Variants in OR4N2 observed in about 807,000 individuals in gnomAD.
The protein encoded by OR4N2 is olfactory receptor family 4 subfamily N member 2, also known as olfactory receptor 4N2.
For missense variants in OR4N2, 307 were observed against 377.6 expected (o/e 0.81, Z 1.55); for synonymous variants, 141 against 140.4 (o/e 1.00, Z -0.03).
intron 1 of OR4N2, among the ~76,000 whole-genome samples, chr14:19,807,195 G>T (rs1284254745): frequency 6.7e-6 from 1 of 149,712 alleles, no homozygotes; most frequent in African/African-American, 2.4e-5. Flanking sequence ...AAAAAAAAAA[G>T]CTCAAAGCTA....
intron 1 of OR4N2, among the ~76,000 whole-genome samples, chr14:19,804,830 T>G (rs1872534232): frequency 1.3e-5 from 2 of 152,244 alleles, no homozygotes; most frequent in Non-Finnish European, 2.9e-5. Flanking sequence ...GTTATTAAAG[T>G]CTCTTCAAAG....
chr14:19,818,990 A>G (rs889570283), intron 1 of OR4N2, among the ~76,000 whole-genome samples: 1 of 152,242 alleles, frequency 6.6e-6, no homozygotes, highest in Non-Finnish European at 1.5e-5. Flanking sequence ...TCTTTTCTTT[A>G]AGAATGTTGA....
intron 1 of OR4N2, among the ~76,000 whole-genome samples, chr14:19,825,779 C>T (rs1348990784): frequency 3.0e-4 from 46 of 152,212 alleles, no homozygotes; most frequent in Admixed American, 1.3e-3. Context: ...AAGATGTTCT[C>T]GATCTCCTGA....
intron 1 of OR4N2, among the ~76,000 whole-genome samples, chr14:19,808,855 G>A (rs1286575289): frequency 6.6e-6 from 1 of 151,740 alleles, no homozygotes; most frequent in Non-Finnish European, 1.5e-5. Flanking sequence ...GAAACTAGAG[G>A]CATCACACTA....
intron 1 of OR4N2, among the ~76,000 whole-genome samples, chr14:19,810,307 T>C (rs1330132492): frequency 7.2e-5 from 11 of 152,206 alleles, no homozygotes; most frequent in Non-Finnish European, 1.6e-4. Context: ...CTCACAGCAG[T>C]GAGAATGATT....
rs200476011 is a variant in OR4N2, at chr14:19,815,241, C to T, written c.-10+11397C>T. Among the ~76,000 whole-genome samples the T allele has an allele frequency of 8.5e-4, 130 of 152,356 alleles. 1 individual carries two copies. The East Asian group carries it at 0.018, about 21-fold the overall frequency. On this transcript the variant is annotated intron_variant, in intron 1 of 1. Transcript: ENST00000557677. ...TTCTGGTTCTACATCCTTGAGGAAT[C>T]GCTACACTGTCTTCCACAATGGTTG...
chr14:19,819,562 T>G (rs1566466215), intron 1 of OR4N2, among the ~76,000 whole-genome samples: 1 of 152,276 alleles, frequency 6.6e-6, no homozygotes, highest in South Asian at 2.1e-4. Flanking sequence ...TTTTCTAAAG[T>G]GGTTATTCTA....
rs906968556 is a variant in OR4N2, at chr14:19,828,660, G to A, written c.*288G>A. ...AAGTGAAATGATAAATTGTGACTCTGGATTGGGAGTAACCAATTTGTGTTT... is the reference window on the plus strand; with the variant it reads ...AAGTGAAATGATAAATTGTGACTCTAGATTGGGAGTAACCAATTTGTGTTT... On this transcript the variant is annotated 3_prime_UTR_variant, in exon 2 of 2. Transcript: ENST00000557677. 9 of 314,452 alleles carry A rather than the reference G, an allele frequency of 2.9e-5. No homozygotes were observed. Among genetic ancestry groups the A allele is most frequent in the Admixed American group, 2.4e-4 (5 of 21,190 alleles). 19.5% of individuals were successfully genotyped at this position (314,452 alleles called of 1,614,324 possible).
intron 1 of OR4N2, among the ~76,000 whole-genome samples, chr14:19,805,089 T>C (rs1489293573): frequency 5.9e-5 from 9 of 152,346 alleles, no homozygotes; most frequent in South Asian, 2.1e-4. Flanking sequence ...CTGGATGTCA[T>C]TGCATGTGAG....
intron 1 of OR4N2, among the ~76,000 whole-genome samples, chr14:19,808,943 T>C (rs1236922720): frequency 1.3e-5 from 2 of 152,110 alleles, no homozygotes; most frequent in African/African-American, 4.8e-5. Context: ...TAGAACAGAA[T>C]AGAAAACCCA....
At chr14:19,813,068 A>T (rs1594395538) in intron 1 of OR4N2, among the ~76,000 whole-genome samples, 1 of 152,252 alleles carries the variant, frequency 6.6e-6, no homozygotes, top group African/African-American at 2.4e-5. Flanking sequence ...TTAGATCTTC[A>T]GATTACTTTT....
chr14:19,819,492 G>A (rs536389804), intron 1 of OR4N2, among the ~76,000 whole-genome samples: 4,020 of 151,814 alleles, frequency 0.026, 40 homozygotes, highest in African/African-American at 0.089. Flanking sequence ...ATTGATACTT[G>A]CGTATGCTTC....
At chr14:19,808,095 A>G (rs1392415283) in intron 1 of OR4N2, among the ~76,000 whole-genome samples, 1 of 152,182 alleles carries the variant, frequency 6.6e-6, no homozygotes, top group Non-Finnish European at 1.5e-5. Flanking sequence ...CAAAATAATA[A>G]CAGCCATCTA....
rs200131277 is a variant in OR4N2, at chr14:19,827,984, G to A, written c.536G>A (p.Cys179Tyr). The A allele has an allele frequency of 9.5e-5, 154 of 1,614,100 alleles. No individual in the cohort carries two copies. Among genetic ancestry groups the A allele is most frequent in the Middle Eastern group, 1.6e-4 (1 of 6,084 alleles). ...CCAAACCAGCTGGACAACTTCTTCT[G>A]TGATGTCCCACAGGTCATCAAGCTG... ...CGPNQLDNFF[C>Y]DVPQVIKLAC... The change falls in exon 2 of 2, where the codon TGT becomes TAT. Residue 179 changes from cysteine (C) to tyrosine (Y), a missense_variant. Transcript: ENST00000557677.
intron 1 of OR4N2, among the ~76,000 whole-genome samples, chr14:19,809,593 C>A (rs1414342634): frequency 6.6e-6 from 1 of 152,078 alleles, no homozygotes; most frequent in Non-Finnish European, 1.5e-5. Flanking sequence ...ATTACCCAAC[C>A]TCAAACTATA....
intron 1 of OR4N2, among the ~76,000 whole-genome samples, chr14:19,809,592 C>A (rs1879247215): frequency 6.6e-6 from 1 of 152,220 alleles, no homozygotes; most frequent in East Asian, 1.9e-4. Context: ...CATTACCCAA[C>A]CTCAAACTAT....
At chr14:19,817,091 GC>G (rs1394779803) in intron 1 of OR4N2, among the ~76,000 whole-genome samples, 16 of 152,186 alleles carry the variant, frequency 1.1e-4, no homozygotes, top group Non-Finnish European at 1.2e-4. Flanking sequence ...GATTCGGTTT[GC>G]CAGTATTTTA....
At chr14:19,818,514 T>A (rs1594398539) in intron 1 of OR4N2, among the ~76,000 whole-genome samples, 1 of 152,316 alleles carries the variant, frequency 6.6e-6, no homozygotes, top group East Asian at 1.9e-4. Flanking sequence ...CGCTGCTTTT[T>A]TTTGGCTTTC....
chr14:19,822,313 A>G (rs539618426), intron 1 of OR4N2: 18 of 152,406 alleles, frequency 1.2e-4, no homozygotes, highest in African/African-American at 3.8e-4. Flanking sequence ...ACTGATATGT[A>G]TCATTTTCCT....
Sources: allele counts gnomAD v4.1 joint callset (sites outside exome capture counted in the v4.1 genomes callset), GRCh38; gene constraint gnomAD v4.1.1; transcripts MANE v1.5; gene names NCBI Gene and HGNC (gene_info 2026-07-23, HGNC 2026-07-21).